PTPRD: variants seen among roughly 807,000 people sequenced by gnomAD.
PTPRD encodes receptor-type tyrosine-protein phosphatase delta.
PTPRD carries 34 observed loss-of-function variants against 214.5 expected under a neutral mutation model. The ratio of observed to expected loss-of-function variants is 0.16; its 90% CI spans 0.12 to 0.21. The LOEUF is 0.21. Ranked by LOEUF, PTPRD falls within the 10% of genes least tolerant of loss-of-function variation. The pLI is 1.00. For synonymous variants in PTPRD, 1,128 were observed against 845.7 expected (o/e 1.33, Z -5.79); for missense variants, 2,545 against 2,398.7 (o/e 1.06, Z -1.27).
chr9:8,521,520 T>C lies in PTPRD; in HGVS notation c.718A>G (p.Ile240Val), dbSNP rs374356442. ...ATGATTTCATGATTAGTGGGTGGGATAGAGAATCTTGGTGGGACACGGCGA... is the reference window on the plus strand; with the variant it reads ...ATGATTTCATGATTAGTGGGTGGGACAGAGAATCTTGGTGGGACACGGCGA... ...EVRRVPPRFS[I>V]PPTNHEIMPG... The change falls in exon 20 of 46, where the codon ATC becomes GTC. Residue 240 changes from isoleucine (I) to valine (V), a missense_variant. Physicochemically the swap from Ile to Val is conservative, Grantham distance 29. Coordinates refer to ENST00000381196, the MANE Select transcript of PTPRD (RefSeq NM_002839.4). The C allele has an allele frequency of 2.5e-6, 4 of 1,613,750 alleles. No homozygotes were observed. Among genetic ancestry groups the C allele is most frequent in the South Asian group, 2.2e-5 (2 of 91,068 alleles).
chr9:8,465,651 G>A lies in PTPRD; in HGVS notation c.3529C>T (p.Arg1177Cys), dbSNP rs772237001. The A allele has an allele frequency of 3.7e-6, 6 of 1,611,618 alleles. No homozygotes were observed. Among genetic ancestry groups the A allele is most frequent in the African/African-American group, 1.3e-5 (1 of 74,708 alleles). Residue 1177 changes from arginine (R) to cysteine (C), a missense_variant, in exon 32 of 46, where the codon CGC (arginine) becomes TGC (cysteine). By Grantham distance (180) the Arg-to-Cys change is radical. Transcript: ENST00000381196. ...TCTCTCCCATAACGGATGCTTCTGC[G>A]CTTCCTAGATATCTCCTTAAGCAGC... is the stretch of plus-strand genomic sequence containing the variant. ...DELLKEISRK[R>C]RSIRYGREVE...
chr9:9,904,210 A>G (rs1408293785), intron 5 of PTPRD, among the ~76,000 whole-genome samples: 2 of 152,174 alleles, frequency 1.3e-5, no homozygotes, highest in East Asian at 1.9e-4. Flanking sequence ...TCTAAATCTC[A>G]AATATGTTTT....
At chr9:8,823,804 G>A (rs981889232) in intron 11 of PTPRD, among the ~76,000 whole-genome samples, 1 of 152,176 alleles carries the variant, frequency 6.6e-6, no homozygotes, top group Non-Finnish European at 1.5e-5. Context: ...GATTAACGGT[G>A]AGTTTGCAGT....
intron 14 of PTPRD, among the ~76,000 whole-genome samples, chr9:8,564,100 A>G (rs1429830394): frequency 6.6e-6 from 1 of 152,236 alleles, no homozygotes; most frequent in African/African-American, 2.4e-5. Context: ...GCTGGACAGC[A>G]GATCCAAGCT....
rs183838366 is a variant in PTPRD, at chr9:8,668,490, G to A, written c.65-31646C>T. ...ATTAAGCCAAACTGTATGGCAAAGC[G>A]TTCCAGAAAGTACCATCTTACATAG... On this transcript the variant is annotated intron_variant, in intron 12 of 45. Transcript: ENST00000381196. Among the ~76,000 whole-genome samples the A allele has an allele frequency of 1.7e-3, 265 of 152,224 alleles. 1 individual carries two copies. The highest frequency in any genetic ancestry group is 5.5e-3 in the African/African-American group (228 of 41,534).
At chr9:9,271,042 T>A (rs146813752) in intron 9 of PTPRD, among the ~76,000 whole-genome samples, 1 of 151,262 alleles carries the variant, frequency 6.6e-6, no homozygotes, top group African/African-American at 2.4e-5. Flanking sequence ...AAGTTTAAAG[T>A]GCTTATGCGG....
intron 11 of PTPRD, among the ~76,000 whole-genome samples, chr9:8,948,933 A>G (rs1253570944): frequency 1.3e-5 from 2 of 151,908 alleles, no homozygotes; most frequent in Non-Finnish European, 2.9e-5. Flanking sequence ...AGAATAGTAT[A>G]GTAAGATTTG....
intron 36 of PTPRD, among the ~76,000 whole-genome samples, chr9:8,400,228 A>G (rs1310404248): frequency 6.6e-6 from 1 of 152,238 alleles, no homozygotes; most frequent in African/African-American, 2.4e-5. Context: ...CACAACTGCA[A>G]TAATTAATTT....
chr9:9,708,532 G>A (rs904891308), intron 7 of PTPRD, among the ~76,000 whole-genome samples: 1 of 151,952 alleles, frequency 6.6e-6, no homozygotes, highest in Non-Finnish European at 1.5e-5. Flanking sequence ...ATACTAGTGA[G>A]CTAATCACTG....
At chr9:9,696,165 G>T (rs1229928809) in intron 7 of PTPRD, among the ~76,000 whole-genome samples, 1 of 152,020 alleles carries the variant, frequency 6.6e-6, no homozygotes, top group East Asian at 1.9e-4. Context: ...GGTCATAAAA[G>T]GTACTTGATC....
At chr9:9,594,200 C>G (rs573696288) in intron 7 of PTPRD, among the ~76,000 whole-genome samples, 23 of 152,010 alleles carry the variant, frequency 1.5e-4, no homozygotes, top group Non-Finnish European at 2.2e-4. Context: ...CCAGGACACA[C>G]ATGTGAGAGA....
rs1245471501 is a variant in PTPRD, at chr9:8,341,843, T to C, written c.4797A>G (p.Glu1599=). Residue 1599 remains glutamate (E), a synonymous_variant, in exon 40 of 46, where the codon GAA becomes GAG. Transcript: ENST00000381196. The stretch of plus-strand genomic sequence containing the variant: ...CATCATGGATAAAGATGTATTGGTC[T>C]TCTGTTTGAACCATATAGTTCCTCT... ...RAQRNYMVQT[E]DQYIFIHDAL... is the part of the protein sequence containing the mutation. 1 of 1,613,590 alleles carries C rather than the reference T, an allele frequency of 6.2e-7. No homozygotes were observed. Among genetic ancestry groups the C allele is most frequent in the East Asian group, 2.2e-5 (1 of 44,836 alleles).
rs1343943352 is a variant in PTPRD at position 9,469,162 on chromosome 9, C to T, written c.-236-71680G>A. Among the ~76,000 whole-genome samples, 3 of 151,828 alleles carry T rather than the reference C, an allele frequency of 2.0e-5. No homozygotes were observed. The East Asian group carries it at 5.8e-4, about 29-fold the overall frequency. Reference sequence around the variant, plus strand: ...ATATATGAAATATCTCATTAACATCCTAAAATATTATGTATAAGTTGAAAT... The same window carrying T: ...ATATATGAAATATCTCATTAACATCTTAAAATATTATGTATAAGTTGAAAT... On this transcript the variant is annotated intron_variant, in intron 8 of 45. Transcript: ENST00000381196.
chr9:9,918,325 C>T (rs1018035648), intron 5 of PTPRD, among the ~76,000 whole-genome samples: 1 of 120,790 alleles, frequency 8.3e-6, no homozygotes, highest in Non-Finnish European at 1.8e-5. Context: ...TTATAAAATA[C>T]CTAGGAATAA....
chr9:10,309,665 C>T (rs2096209861), intron 3 of PTPRD, among the ~76,000 whole-genome samples: 1 of 151,656 alleles, frequency 6.6e-6, no homozygotes, highest in Admixed American at 6.6e-5. Context: ...ACACCTGGCG[C>T]CAACTAATTT....
intron 34 of PTPRD, among the ~76,000 whole-genome samples, chr9:8,446,479 A>G (rs1249032738): frequency 6.6e-6 from 1 of 152,220 alleles, no homozygotes; most frequent in Non-Finnish European, 1.5e-5. Flanking sequence ...TTGCTATTTT[A>G]TCATTCATAA....
intron 12 of PTPRD, among the ~76,000 whole-genome samples, chr9:8,670,817 G>C (rs2097268321): frequency 6.6e-6 from 1 of 152,182 alleles, no homozygotes; most frequent in Non-Finnish European, 1.5e-5. Flanking sequence ...ATGCTACAGA[G>C]AGGCGACAGA....
chr9:10,554,260 G>A (rs952286445), intron 2 of PTPRD, among the ~76,000 whole-genome samples: 1 of 152,054 alleles, frequency 6.6e-6, no homozygotes, highest in African/African-American at 2.4e-5. Flanking sequence ...TTTCCCCAAT[G>A]GATTTTACTT....
intron 3 of PTPRD, among the ~76,000 whole-genome samples, chr9:10,188,649 C>T (rs988753996): frequency 1.3e-5 from 2 of 151,554 alleles, no homozygotes; most frequent in Admixed American, 1.3e-4. Flanking sequence ...GCATGTATCT[C>T]AATAGGCACT....
Sources: allele counts gnomAD v4.1 joint callset (sites outside exome capture counted in the v4.1 genomes callset), GRCh38; gene constraint gnomAD v4.1.1; transcripts MANE v1.5; gene names NCBI Gene and HGNC (gene_info 2026-07-23, HGNC 2026-07-21).